RAD51B: variants seen among roughly 807,000 people sequenced by gnomAD.
RAD51B encodes DNA repair protein RAD51 homolog 2.
Under a neutral mutation model 42.2 loss-of-function variants are expected in RAD51B, and 38 were observed. The observed-to-expected ratio is 0.90, with a 90% CI of 0.70 to 1.18. RAD51B has a LOEUF of 1.18. Ranked by LOEUF, RAD51B falls within the 50% of genes most tolerant of loss-of-function variation. RAD51B has a pLI of 0.00. For missense variants in RAD51B, 373 were observed against 400.7 expected (o/e 0.93, Z 0.59); for synonymous variants, 154 against 145.2 (o/e 1.06, Z -0.43).
At chr14:68,582,058 G>C (rs1890231992) in intron 10 of RAD51B, among the ~76,000 whole-genome samples, 1 of 152,132 alleles carries the variant, frequency 6.6e-6, no homozygotes, top group African/African-American at 2.4e-5. Flanking sequence ...AAAAACCCTA[G>C]AAGAAAACCT....
chr14:68,256,423 A>G (rs2080755306), intron 7 of RAD51B, among the ~76,000 whole-genome samples: 1 of 152,200 alleles, frequency 6.6e-6, no homozygotes, highest in Non-Finnish European at 1.5e-5. Flanking sequence ...TAATTTGATG[A>G]CGATGACTCT....
At chr14:67,968,255 G>A (rs1008182221) in intron 7 of RAD51B, among the ~76,000 whole-genome samples, 1 of 152,190 alleles carries the variant, frequency 6.6e-6, no homozygotes, top group African/African-American at 2.4e-5. Flanking sequence ...TGATGAGAGG[G>A]GCTGCCATGA....
At chr14:68,269,714 C>T (rs79418795) in intron 7 of RAD51B, among the ~76,000 whole-genome samples, 3,906 of 152,324 alleles carry the variant, frequency 0.026, 176 homozygotes, top group African/African-American at 0.088. Flanking sequence ...GTCTGGTTCT[C>T]TGTTGTTACC....
chr14:68,127,242 A>C (rs1332796638), intron 7 of RAD51B, among the ~76,000 whole-genome samples: 3 of 152,142 alleles, frequency 2.0e-5, no homozygotes, highest in Non-Finnish European at 4.4e-5. Context: ...ATGTAGCTAT[A>C]GATCAGGCAA....
At chr14:68,580,807 G>A (rs1422181998) in intron 10 of RAD51B, among the ~76,000 whole-genome samples, 1 of 152,008 alleles carries the variant, frequency 6.6e-6, no homozygotes, top group East Asian at 1.9e-4. Context: ...TTTTTCCCTT[G>A]GAGATCTCAA....
At chr14:68,366,045 C>A (rs1271848273) in intron 8 of RAD51B, among the ~76,000 whole-genome samples, 1 of 151,268 alleles carries the variant, frequency 6.6e-6, no homozygotes, top group Non-Finnish European at 1.5e-5. Flanking sequence ...ATTAAAAATA[C>A]TTTTTTTGAT....
intron 7 of RAD51B, among the ~76,000 whole-genome samples, chr14:68,187,059 A>G (rs543209772): frequency 2.6e-5 from 4 of 152,226 alleles, no homozygotes; most frequent in Non-Finnish European, 4.4e-5. Context: ...TTGCAGCAAC[A>G]TGGATGCAGC....
intron 5 of RAD51B, among the ~76,000 whole-genome samples, chr14:67,869,419 A>G (rs926387002): frequency 2.6e-5 from 4 of 152,182 alleles, no homozygotes; most frequent in African/African-American, 7.2e-5. Flanking sequence ...AAAGCCTCCA[A>G]GAAATATGGG....
chr14:67,940,381 C>G (rs2045156579), intron 7 of RAD51B, among the ~76,000 whole-genome samples: 3 of 151,850 alleles, frequency 2.0e-5, no homozygotes, highest in Non-Finnish European at 4.4e-5. Context: ...CCCAGCCTTC[C>G]CAGTCTGAAT....
intron 11 of RAD51B, among the ~76,000 whole-genome samples, chr14:68,662,941 G>A (rs1010454875): frequency 5.9e-5 from 9 of 152,162 alleles, no homozygotes; most frequent in South Asian, 2.1e-4. Context: ...CTTGTGGACC[G>A]CATTACTGGG....
chr14:68,300,519 C>T (rs2081707165), intron 8 of RAD51B, among the ~76,000 whole-genome samples: 1 of 152,128 alleles, frequency 6.6e-6, no homozygotes, highest in Non-Finnish European at 1.5e-5. Context: ...GCTCTCCTTT[C>T]AAATAAAAAT....
intron 7 of RAD51B, among the ~76,000 whole-genome samples, chr14:68,004,885 C>T (rs2075554862): frequency 6.6e-6 from 1 of 151,602 alleles, no homozygotes; most frequent in Non-Finnish European, 1.5e-5. Flanking sequence ...GGTATATGGC[C>T]TTTTTCACTC....
At chr14:68,446,714 A>G (rs2085429590) in intron 9 of RAD51B, among the ~76,000 whole-genome samples, 2 of 152,154 alleles carry the variant, frequency 1.3e-5, no homozygotes, top group African/African-American at 4.8e-5. Context: ...CGTAGAGAAA[A>G]ACAAGAGATT....
intron 10 of RAD51B, among the ~76,000 whole-genome samples, chr14:68,623,199 C>A (rs1417639589): frequency 6.6e-6 from 1 of 152,122 alleles, no homozygotes; most frequent in Non-Finnish European, 1.5e-5. Context: ...GCAGACTGAC[C>A]AGCTGTTCCC....
intron 5 of RAD51B, among the ~76,000 whole-genome samples, chr14:67,870,285 C>T (rs1280190358): frequency 6.6e-6 from 1 of 152,134 alleles, no homozygotes; most frequent in East Asian, 1.9e-4. Context: ...GGGTTGCAAT[C>T]CGAATCTCTG....
intron 7 of RAD51B, among the ~76,000 whole-genome samples, chr14:68,016,084 C>T (rs1445818791): frequency 6.6e-6 from 1 of 152,186 alleles, no homozygotes; most frequent in Admixed American, 6.5e-5. Context: ...TCACTCAACA[C>T]AGTACTTATC....
chr14:68,078,488 C>G (rs551366325), intron 7 of RAD51B, among the ~76,000 whole-genome samples: 2 of 152,152 alleles, frequency 1.3e-5, no homozygotes, highest in South Asian at 2.1e-4. Flanking sequence ...GCTCTAAGCC[C>G]TTCACCTTTT....
At chr14:67,894,561 G>A (rs542164394) in intron 7 of RAD51B, among the ~76,000 whole-genome samples, 1 of 152,258 alleles carries the variant, frequency 6.6e-6, no homozygotes, top group African/African-American at 2.4e-5. Context: ...GAGGCAAATC[G>A]CTCTCTGTGA....
At chr14:68,334,825 A>G (rs897276461) in intron 8 of RAD51B, among the ~76,000 whole-genome samples, 8 of 150,228 alleles carry the variant, frequency 5.3e-5, no homozygotes, top group Non-Finnish European at 1.2e-4. Context: ...GGATAGATAT[A>G]TATTTTATGA....
Sources: gnomAD v4.1 joint callset for allele counts (sites outside exome capture counted in the v4.1 genomes callset) on GRCh38, gnomAD v4.1.1 for gene constraint, MANE v1.5 for transcripts, NCBI Gene and HGNC (gene_info 2026-07-23, HGNC 2026-07-21) for gene names.